E4F1: variants seen among roughly 807,000 people sequenced by gnomAD.
E4F1 encodes transcription factor E4F1.
Under a neutral mutation model 72.9 loss-of-function variants are expected in E4F1, and 30 were observed. That is an observed-to-expected ratio of 0.41 (90% CI 0.31 to 0.56). E4F1 has a LOEUF of 0.56. E4F1 is among the 20% of genes least tolerant of loss of function. E4F1 has a pLI of 0.25. For missense variants in E4F1, 1,091 were observed against 1,117.5 expected (o/e 0.98, Z 0.34); for synonymous variants, 542 against 478.2 (o/e 1.13, Z -1.74).
chr16:2,233,347 T>G (rs2093480418), intron 7 of E4F1, 91 bp from the exon 8 acceptor site: 2 of 1,428,328 alleles, frequency 1.4e-6, no homozygotes, highest in African/African-American at 2.9e-5. Context: ...TCTGAGGGTT[T>G]GCACAAGGCT....
rs143429694 is a variant in E4F1, at chr16:2,235,088, C to A, written c.1943C>A (p.Ala648Glu). 177 of 1,612,394 alleles carry A rather than the reference C, an allele frequency of 1.1e-4. No individual in the cohort carries two copies. In the African/African-American group the frequency reaches 2.2e-3, roughly 20 times the overall value. Residue 648 changes from alanine to glutamate, a missense_variant, in exon 13 of 14, where the codon GCG becomes GAG. Transcript: ENST00000301727. Reference protein sequence around the residue: ...DTQEYIIEATADDAETSEATE... With the variant: ...DTQEYIIEATEDDAETSEATE... ...TTCTGCCCATCTGCCCAGGCCACTGCGGACGATGCGGAGACCAGTGAGGCC... is the reference window on the plus strand; with the variant it reads ...TTCTGCCCATCTGCCCAGGCCACTGAGGACGATGCGGAGACCAGTGAGGCC...
intron 1 of E4F1, among the ~76,000 whole-genome samples, chr16:2,226,012 G>A (rs2093430292): frequency 6.6e-6 from 1 of 152,008 alleles, no homozygotes. Context: ...AGAATGGCAT[G>A]AGCCCAGGAG....
In E4F1 at chr16:2,223,637, G is replaced by C. The variant is rs758531781; in HGVS notation, c.24G>C (p.Arg8=). 2 of 1,590,606 alleles carry C rather than the reference G, an allele frequency of 1.3e-6. No homozygotes were observed. Among genetic ancestry groups the C allele is most frequent in the South Asian group, 1.1e-5 (1 of 90,014 alleles). MEGAMAV[R]VTAAHTAEAQ... is the part of the protein sequence containing the mutation. ...ACATGGAGGGCGCGATGGCAGTGCG[G>C]GTGACGGCCGCTCATACGGCAGAAG... Residue 8 remains arginine (R), a synonymous_variant, in exon 1 of 14, where the codon CGG becomes CGC. Transcript: ENST00000301727.
At chr16:2,231,616 A>T (rs2093468095) in intron 3 of E4F1, 1 of 154,390 alleles carries the variant, frequency 6.5e-6, no homozygotes, top group Non-Finnish European at 1.4e-5. Flanking sequence ...GCAAAAGCCC[A>T]GCTTCCTCGC....
In E4F1 at chr16:2,223,775, C is replaced by T. The variant is rs1444504762; in HGVS notation, c.157+5C>T. 4 of 1,532,848 alleles carry T rather than the reference C, an allele frequency of 2.6e-6. No individual in the cohort carries two copies. The highest frequency in any genetic ancestry group is 5.0e-5 in the East Asian group (2 of 40,244). 95.0% of individuals were successfully genotyped at this position (1,532,848 alleles called of 1,614,324 possible). A position where few individuals can be genotyped will look rare whatever the true frequency, so the allele number is the denominator to read the frequency against. On this transcript the variant is annotated splice_donor_5th_base_variant and intron_variant, in intron 1 of 13. Coordinates refer to ENST00000301727, the MANE Select transcript of E4F1 (RefSeq NM_004424.5). ...CGGCGCCCTTCAGCGAGGAAGGTAA[C>T]CGGGCCGACCCGGAGGGTGCGGCCG...
At chr16:2,228,133 TG>T (rs1248502118) in intron 1 of E4F1, among the ~76,000 whole-genome samples, 1 of 152,224 alleles carries the variant, frequency 6.6e-6, no homozygotes, top group Admixed American at 6.5e-5. Flanking sequence ...GGCCACCCTC[TG>T]CTGGGTGCTG....
chr16:2,232,003 A>C, intron 3 of E4F1, 168 bp from the exon 4 acceptor site: 1 of 766,862 alleles, frequency 1.3e-6, no homozygotes, highest in Non-Finnish European at 2.1e-6. Context: ...TGACCTGGAG[A>C]GGTGAATGGG....
At chr16:2,226,836 A>G (rs2093435452) in intron 1 of E4F1, among the ~76,000 whole-genome samples, 1 of 152,238 alleles carries the variant, frequency 6.6e-6, no homozygotes, top group Admixed American at 6.5e-5. Context: ...GGTCCGGCAC[A>G]GCAATGGTGA....
Position 2,235,017 on chromosome 16 carries a change from T to C in E4F1, c.1935+16T>C, listed in dbSNP as rs748664813. ...TATCATCGAGGTGGGTGTGGGGCCC[T>C]GGGGCCGTGCTGGGACCCAGGGGCA... On this transcript the variant is annotated intron_variant, in intron 12 of 13. Coordinates refer to ENST00000301727, the MANE Select transcript of E4F1 (RefSeq NM_004424.5). 5 of 1,611,784 alleles carry C rather than the reference T, an allele frequency of 3.1e-6. No individual in the cohort carries two copies. The highest frequency in any genetic ancestry group is 2.2e-5 in the East Asian group (1 of 44,848).
In E4F1 at chr16:2,233,613, A is replaced by G; in HGVS notation, c.1232A>G (p.Gln411Arg). 1.3e-6 allele frequency: 2 copies of G among 1,512,264 alleles called. No individual in the cohort carries two copies. The highest frequency in any genetic ancestry group is 1.8e-6 in the Non-Finnish European group (2 of 1,129,002). The allele number at this position is 1,512,264 out of a possible 1,614,324, so 93.7% of individuals were successfully genotyped here. A position where few individuals can be genotyped will look rare whatever the true frequency, so the allele number is the denominator to read the frequency against. ...CAGCCCCTGGCAGTGGCAGCCCCGC[A>G]GCTGCCGGTACTGGAAGTGCAGCCG... ...SPQPLAVAAP[Q>R]LPVLEVQPLE... The change falls in exon 8 of 14, where the codon CAG becomes CGG. Residue 411 changes from glutamine to arginine, a missense_variant. Coordinates refer to ENST00000301727, the MANE Select transcript of E4F1 (RefSeq NM_004424.5).
At position 2,228,389 on chromosome 16, in the gene E4F1, A is replaced by G; in HGVS notation, c.175A>G (p.Arg59Gly). The change falls in exon 2 of 14, where the codon AGA (arginine) becomes GGA (glycine). Residue 59 changes from arginine (R) to glycine (G), a missense_variant. Arg to Gly is a moderately radical substitution (Grantham distance 125). Transcript: ENST00000301727. The part of the protein sequence containing the change: ...FSEEDEDDVH[R>G]CGRCQAEFTA... ...CGTTGCAGATGAGGACGATGTGCACAGATGCGGCCGCTGCCAGGCAGAGTT... is the reference window on the plus strand; with the variant it reads ...CGTTGCAGATGAGGACGATGTGCACGGATGCGGCCGCTGCCAGGCAGAGTT... The G allele has an allele frequency of 6.2e-7, 1 of 1,613,820 alleles. No individual in the cohort carries two copies. The highest frequency in any genetic ancestry group is 1.1e-5 in the South Asian group (1 of 91,090).
chr16:2,228,567 A>T, intron 2 of E4F1, 44 bp downstream of exon 2: 1 of 1,596,600 alleles, frequency 6.3e-7, no homozygotes, highest in Non-Finnish European at 8.6e-7. Flanking sequence ...GGTTCACCTG[A>T]CAGGTGGGGG....
At position 2,228,384 on chromosome 16, in the gene E4F1, T is replaced by G; in HGVS notation, c.170T>G (p.Val57Gly). The change falls in exon 2 of 14, where the codon GTG becomes GGG. Residue 57 changes from valine (V) to glycine (G), a missense_variant. Physicochemically the swap from Val to Gly is moderately radical, Grantham distance 109. Transcript: ENST00000301727. ...AGGCTCGTTGCAGATGAGGACGATG[T>G]GCACAGATGCGGCCGCTGCCAGGCA... The part of the protein sequence containing the change: ...APFSEEDEDD[V>G]HRCGRCQAEF... 1 of 1,613,814 alleles carries G rather than the reference T, an allele frequency of 6.2e-7. No homozygotes were observed. The highest frequency in any genetic ancestry group is 8.5e-7 in the Non-Finnish European group (1 of 1,180,026).
In E4F1 at chr16:2,228,632, C is replaced by T. The variant is rs537259861; in HGVS notation, c.309+109C>T. 331 of 1,376,294 alleles carry T rather than the reference C, an allele frequency of 2.4e-4. 8 individuals carry two copies. In the South Asian group the frequency reaches 4.0e-3, roughly 17 times the overall value. 85.3% of individuals were successfully genotyped at this position (1,376,294 alleles called of 1,614,324 possible). On this transcript the variant is annotated intron_variant, in intron 2 of 13. Coordinates refer to ENST00000301727, the MANE Select transcript of E4F1 (RefSeq NM_004424.5). ...CAGCCGGTTCCGGGGGCCACGTGGG[C>T]GGGCAGAGGGCAGGCACCTGGCTGC...
At chr16:2,229,249 C>T (rs935597873) in intron 2 of E4F1, among the ~76,000 whole-genome samples, 2 of 152,274 alleles carry the variant, frequency 1.3e-5, no homozygotes, top group African/African-American at 2.4e-5. Context: ...GCCATTGTTC[C>T]TGCAGACTGG....
At position 2,233,630 on chromosome 16, in the gene E4F1, G is replaced by A. The variant is rs548400100; in HGVS notation, c.1249G>A (p.Val417Met). Residue 417 changes from valine (V) to methionine (M), a missense_variant, in exon 8 of 14, where the codon GTG (valine) becomes ATG (methionine). Val to Met is a conservative substitution (Grantham distance 21, BLOSUM62 1). Transcript: ENST00000301727. ...AGCCCCGCAGCTGCCGGTACTGGAA[G>A]TGCAGCCGCTGGAGACAGTAGGTGC... is the stretch of plus-strand genomic sequence containing the variant. ...VAAPQLPVLEVQPLETQVASE... is the reference protein window; with the variant it reads ...VAAPQLPVLEMQPLETQVASE... 2.1e-4 allele frequency: 321 copies of A among 1,521,812 alleles called. 2 individuals carry two copies. The highest frequency in any genetic ancestry group is 1.8e-3 in the South Asian group (147 of 82,892). 94.3% of individuals were successfully genotyped at this position (1,521,812 alleles called of 1,614,324 possible).
intron 1 of E4F1, among the ~76,000 whole-genome samples, chr16:2,225,974 T>C (rs1167962547): frequency 2.0e-5 from 3 of 151,878 alleles, no homozygotes; most frequent in Non-Finnish European, 2.9e-5. Flanking sequence ...GCGCCTGTAG[T>C]CACAGCTTCT....
rs1375208601 is a variant in E4F1, at chr16:2,233,903, G to A, written c.1288G>A (p.Ala430Thr). 4 of 1,600,038 alleles carry A rather than the reference G, an allele frequency of 2.5e-6. No individual in the cohort carries two copies. Among genetic ancestry groups the A allele is most frequent in the African/African-American group, 1.3e-5 (1 of 74,784 alleles). The change falls in exon 9 of 14, where the codon GCG becomes ACG. Residue 430 changes from alanine to threonine, a missense_variant. By Grantham distance (58) the Ala-to-Thr change is moderately conservative (BLOSUM62 0). Coordinates refer to ENST00000301727, the MANE Select transcript of E4F1 (RefSeq NM_004424.5). The part of the protein sequence containing the change: ...LETQVASEAS[A>T]VPRTHPCPQC... ...CCAGCAGGTGGCCAGCGAGGCCTCA[G>A]CGGTGCCCAGGACCCACCCATGTCC... is the stretch of plus-strand genomic sequence containing the variant.
intron 2 of E4F1, among the ~76,000 whole-genome samples, chr16:2,229,108 C>T (rs2093450071): frequency 6.6e-6 from 1 of 152,234 alleles, no homozygotes; most frequent in Non-Finnish European, 1.5e-5. Context: ...GGACCCTGGA[C>T]ACCCCACTCT....
Sources: allele counts gnomAD v4.1 joint callset (sites outside exome capture counted in the v4.1 genomes callset), GRCh38; gene constraint gnomAD v4.1.1; transcripts MANE v1.5; gene names NCBI Gene and HGNC (gene_info 2026-07-23, HGNC 2026-07-21).